The following MFN2 variants were observed in gnomAD, a reference collection of about 807,000 sequenced individuals.
The protein encoded by MFN2 is mitofusin 2.
MFN2 carries 43 observed loss-of-function variants against 87.5 expected under a neutral mutation model. The observed-to-expected ratio is 0.49, with a 90% confidence interval of 0.38 to 0.63. The LOEUF (loss-of-function observed/expected upper bound fraction) is 0.63, where lower values mean the gene tolerates loss of function less well. Ranked by LOEUF, MFN2 falls within the 30% of genes least tolerant of loss-of-function variation. The pLI, the probability that MFN2 is intolerant of heterozygous loss-of-function variation, is 0.00. For missense variants in MFN2, 743 were observed against 972.8 expected, an observed-to-expected ratio of 0.76 and a Z score of 3.14; for synonymous variants, 337 against 359.9, an observed-to-expected ratio of 0.94 and a Z score of 0.72.
At chr1:11,992,756 A>T in intron 4 of MFN2, 66 bp downstream of exon 4, 1 of 1,602,716 alleles carries the variant, frequency 6.2e-7, no homozygotes, top group Non-Finnish European at 8.5e-7. Context: ...ACTTTGTGCA[A>T]GGTCACAGAA....
rs1410698026 is a variant in MFN2 at position 12,007,201 on chromosome 1, A to C, written c.2021A>C (p.Gln674Pro). 1.9e-6 allele frequency: 3 copies of C among 1,614,054 alleles called. No homozygotes were observed. The highest frequency in any genetic ancestry group is 2.5e-6 in the Non-Finnish European group (3 of 1,180,054). ...QFVEHASEKLQLVISYTGSNC... is the reference protein window; with the variant it reads ...QFVEHASEKLPLVISYTGSNC... ...GTGGAGCATGCCAGCGAGAAGCTGC[A>C]GCTTGTCATCAGCTACACTGGCTCC... Residue 674 changes from glutamine to proline, a missense_variant, in exon 17 of 19, where the codon CAG becomes CCG. By Grantham distance (76) the Gln-to-Pro change is moderately conservative. Coordinates refer to ENST00000235329, the MANE Select transcript of MFN2 (RefSeq NM_014874.4).
rs1639626477 is a variant in MFN2, at chr1:12,010,116, T to TGCACTCCAGCCTGG, written c.2204+393_2204+406dup. On this transcript the variant is annotated intron_variant, in intron 18 of 18. Coordinates refer to ENST00000235329, the MANE Select transcript of MFN2 (RefSeq NM_014874.4). ...TTGCAGTGAGCCGAGATTATGCCAT[T>TGCACTCCAGCCTGG]GCACTCCAGCCTGGGCGACAAGAGC... 6.6e-5 allele frequency among the ~76,000 whole-genome samples: 10 copies of TGCACTCCAGCCTGG among 152,088 alleles called. No homozygotes were observed. The South Asian group carries it at 2.1e-3, about 32-fold the overall frequency.
At chr1:11,990,319 T>C (rs1001295123) in intron 3 of MFN2, among the ~76,000 whole-genome samples, 2 of 152,248 alleles carry the variant, frequency 1.3e-5, no homozygotes, top group African/African-American at 2.4e-5. Flanking sequence ...AGAAGGTGTT[T>C]CCTAAATACT....
chr1:12,004,846 G>A lies in MFN2; in HGVS notation c.1414G>A (p.Glu472Lys), dbSNP rs769478268. 4 of 1,613,884 alleles carry A rather than the reference G, an allele frequency of 2.5e-6. No homozygotes were observed. In the East Asian group the frequency reaches 8.9e-5, roughly 36 times the overall value. ...YKNELHRHIE[E>K]GLGRNMSDRC... ...GCAGGAGCTGCACCGCCACATAGAG[G>A]AAGGACTGGGTCGAAACATGTCTGA... is the stretch of plus-strand genomic sequence containing the variant. Residue 472 changes from glutamate to lysine, a missense_variant, in exon 14 of 19, where the codon GAA becomes AAA. Glu to Lys is a moderately conservative substitution (Grantham distance 56, BLOSUM62 1). Around this residue, in one of 3 missense-constraint regions of MFN2, gnomAD observed 571 missense variants for 670.7 expected, o/e 0.85. Coordinates refer to ENST00000235329, the MANE Select transcript of MFN2 (RefSeq NM_014874.4). The surrounding 1 kb of genome is among the most constrained non-coding windows in gnomAD (Gnocchi z 4.2).
chr1:12,005,719 A>G lies in MFN2; in HGVS notation c.1504A>G (p.Lys502Glu). 6.2e-7 allele frequency: 1 copy of G among 1,614,192 alleles called. No homozygotes were observed. Among genetic ancestry groups the G allele is most frequent in the Non-Finnish European group, 8.5e-7 (1 of 1,180,022 alleles). ...TMQQDMIDGLKPLLPVSVRSQ... is the reference protein window; with the variant it reads ...TMQQDMIDGLEPLLPVSVRSQ... ...ATTTCTCTTCCTGACAGATGGCTTG[A>G]AACCCCTCCTTCCTGTGTCTGTGCG... Residue 502 changes from lysine (K) to glutamate (E), a missense_variant, in exon 15 of 19, where the codon AAA becomes GAA. Around this residue, in one of 3 missense-constraint regions of MFN2, gnomAD observed 571 missense variants for 670.7 expected, o/e 0.85. Coordinates refer to ENST00000235329, the MANE Select transcript of MFN2 (RefSeq NM_014874.4).
At chr1:11,996,067 G>A in intron 4 of MFN2, 89 bp from the exon 5 acceptor site, 1 of 1,548,422 alleles carries the variant, frequency 6.5e-7, no homozygotes, top group Non-Finnish European at 8.9e-7. Flanking sequence ...ACTGAATAGG[G>A]CTTTGGCCTT....
chr1:11,991,013 T>C (rs1038873602), intron 3 of MFN2, among the ~76,000 whole-genome samples: 1 of 152,214 alleles, frequency 6.6e-6, no homozygotes, highest in Non-Finnish European at 1.5e-5. Context: ...AGCCTCATAG[T>C]TCCCAGGAGT....
At position 12,005,733 on chromosome 1, in the gene MFN2, T is replaced by A. The variant is rs1639379184; in HGVS notation, c.1518T>A (p.Pro506=). 12 of 1,614,108 alleles carry A rather than the reference T, an allele frequency of 7.4e-6. No homozygotes were observed. Among genetic ancestry groups the A allele is most frequent in the Non-Finnish European group, 1.0e-5 (12 of 1,180,038 alleles). The part of the protein sequence containing the change: ...DMIDGLKPLL[P]VSVRSQIDML... ...CAGATGGCTTGAAACCCCTCCTTCC[T>A]GTGTCTGTGCGGAGTCAGATAGACA... is the stretch of plus-strand genomic sequence containing the variant. Residue 506 remains proline (P), a synonymous_variant, in exon 15 of 19, where the codon CCT becomes CCA. Transcript: ENST00000235329.
chr1:12,009,545 A>T, intron 17 of MFN2, 47 bp from the exon 18 acceptor site: 1 of 1,613,926 alleles, frequency 6.2e-7, no homozygotes, highest in East Asian at 2.2e-5. Context: ...CACCAGTGGC[A>T]TCTTGCTCCA....
At position 12,009,595 on chromosome 1, in the gene MFN2, ACTGT is replaced by A. The variant is rs1218501764; in HGVS notation, c.2077_2080del (p.Ser693GlyfsTer24). On this transcript the variant is annotated frameshift_variant, in exon 18 of 19. Transcript: ENST00000235329. LOFTEE classifies it high-confidence loss of function. Reference sequence around the variant, plus strand: ...GTCCCTTCTCTCTCCTCCCCAGGGAACTGTCTGGGACCTTTGCTCATCTGTGTCA... The same window carrying A: ...GTCCCTTCTCTCTCCTCCCCAGGGAACTGGGACCTTTGCTCATCTGTGTCA... 1 of 1,614,186 alleles carries A rather than the reference ACTGT, an allele frequency of 6.2e-7. No individual in the cohort carries two copies. The highest frequency in any genetic ancestry group is 8.5e-7 in the Non-Finnish European group (1 of 1,180,008).
Position 12,013,101 on chromosome 1 carries a change from G to A in MFN2, c.*1536G>A, listed in dbSNP as rs1344071943. The A allele has an allele frequency of 1.5e-5, 5 of 342,856 alleles. No individual in the cohort carries two copies. Among genetic ancestry groups the A allele is most frequent in the Admixed American group, 4.2e-5 (1 of 23,958 alleles). The allele number at this position is 342,856 out of a possible 1,614,324, so 21.2% of individuals were successfully genotyped here. ...GGACATGCTGTGGGTGGATGTTCCC[G>A]GCGTGTGCCGGGCCTGAATGGACAG... On this transcript the variant is annotated 3_prime_UTR_variant, in exon 19 of 19. Coordinates refer to ENST00000235329, the MANE Select transcript of MFN2 (RefSeq NM_014874.4).
At chr1:11,996,990 A>G (rs1332324279) in intron 5 of MFN2, among the ~76,000 whole-genome samples, 2 of 150,586 alleles carry the variant, frequency 1.3e-5, no homozygotes, top group South Asian at 2.1e-4. Context: ...GTGAGCTGAG[A>G]TCACGCCACT....
chr1:11,984,436 C>T (rs780208916), intron 2 of MFN2, among the ~76,000 whole-genome samples: 2 of 152,190 alleles, frequency 1.3e-5, no homozygotes, highest in Non-Finnish European at 2.9e-5. Flanking sequence ...CTGCCTTTAG[C>T]TCTTACTGTA....
At position 11,992,527 on chromosome 1, in the gene MFN2, G is replaced by T. The variant is rs370323830; in HGVS notation, c.176-28G>T. 1.7e-5 allele frequency: 28 copies of T among 1,614,106 alleles called. No homozygotes were observed. The African/African-American group carries it at 3.3e-4, about 19-fold the overall frequency. On this transcript the variant is annotated intron_variant, in intron 3 of 18. Coordinates refer to ENST00000235329, the MANE Select transcript of MFN2 (RefSeq NM_014874.4). Reference sequence around the variant, plus strand: ...ACTGTGGAACTCCTCTGACCACGTGGTGACCCATTTTCAATCCCCACCTCC... The same window carrying T: ...ACTGTGGAACTCCTCTGACCACGTGTTGACCCATTTTCAATCCCCACCTCC...
In MFN2 at chr1:12,003,911, C is replaced by T. The variant is rs751089882; in HGVS notation, c.1161-81C>T. 2.1e-5 allele frequency: 33 copies of T among 1,576,260 alleles called. No homozygotes were observed. Among genetic ancestry groups the T allele is most frequent in the Middle Eastern group, 1.9e-4 (1 of 5,342 alleles). On this transcript the variant is annotated intron_variant, in intron 11 of 18. Coordinates refer to ENST00000235329, the MANE Select transcript of MFN2 (RefSeq NM_014874.4). This position sits in a 1 kb window ranked among gnomAD's most constrained non-coding sequence, Gnocchi z 4.1. ...CCAGGCAAGATAGCGGGCAGGGCGG[C>T]GTGGGATTTCTGGCATCCCCTCTTG...
At chr1:11,994,711 A>G (rs2100818573) in intron 4 of MFN2, among the ~76,000 whole-genome samples, 1 of 152,304 alleles carries the variant, frequency 6.6e-6, no homozygotes, top group Admixed American at 6.5e-5. Flanking sequence ...CTGTAACCTC[A>G]GGTGTGGTCC....
At position 11,988,267 on chromosome 1, in the gene MFN2, A is replaced by G. The variant is rs139349222; in HGVS notation, c.-4-898A>G. Among the ~76,000 whole-genome samples, 373 of 151,550 alleles carry G rather than the reference A, an allele frequency of 2.5e-3. 8 individuals carry two copies. The East Asian group carries it at 0.042, about 17-fold the overall frequency. ...TAGGCGGCCACCACCACACCCGGCT[A>G]TATTTTTTTGTATTTTTAGTAGAGA... is the stretch of plus-strand genomic sequence containing the variant. On this transcript the variant is annotated intron_variant, in intron 2 of 18. Coordinates refer to ENST00000235329, the MANE Select transcript of MFN2 (RefSeq NM_014874.4).
At chr1:11,998,397 A>G (rs1639022148) in intron 6 of MFN2, among the ~76,000 whole-genome samples, 1 of 151,844 alleles carries the variant, frequency 6.6e-6, no homozygotes, top group African/African-American at 2.4e-5. Flanking sequence ...AATACAAAAA[A>G]ATTAGCTGGG....
intron 7 of MFN2, 23 bp downstream of exon 7, chr1:11,998,901 C>T: frequency 1.2e-6 from 2 of 1,613,446 alleles, no homozygotes; most frequent in East Asian, 2.2e-5. Context: ...CTGCCTTCTC[C>T]CAAGCTCCCA....
Sources: allele counts gnomAD v4.1 joint callset (sites outside exome capture counted in the v4.1 genomes callset), GRCh38; gene constraint gnomAD v4.1.1; regional missense constraint gnomAD v4.1.1; non-coding constraint Gnocchi (gnomAD v3.1); transcripts MANE v1.5; gene names NCBI Gene and HGNC (gene_info 2026-07-23, HGNC 2026-07-21).